Variants in ZCWPW2 observed in about 807,000 individuals in gnomAD.
The protein encoded by ZCWPW2 is zinc finger CW-type PWWP domain protein 2.
Under a neutral mutation model 46.6 loss-of-function variants are expected in ZCWPW2, and 45 were observed. The observed-to-expected ratio is 0.96, with a 90% CI of 0.76 to 1.24. ZCWPW2 has a LOEUF of 1.24. Among genes scored for constraint, ZCWPW2 ranks in the 50% most tolerant of loss-of-function variants. The probability of loss-of-function intolerance (pLI) is 0.00; values close to 1 mark genes in which losing one functional copy is unlikely to be tolerated. For synonymous variants in ZCWPW2, 152 were observed against 137.1 expected, an observed-to-expected ratio of 1.11 and a Z score of -0.76; for missense variants, 429 against 403.9, an observed-to-expected ratio of 1.06 and a Z score of -0.53.
intron 4 of ZCWPW2, chr3:28,461,106 T>G: frequency 5.8e-6 from 1 of 171,876 alleles, no homozygotes. Flanking sequence ...GTGATTCCAG[T>G]TTTCCAGATT....
In ZCWPW2 at chr3:28,413,227, T is replaced by G. The variant is rs1575107574; in HGVS notation, c.159T>G (p.Asp53Glu). Reference sequence around the variant, plus strand: ...CAAGTGAGGATTCAGCCAAGGTTGATCATGATGAACCATGGTACTGCTTCA... The same window carrying G: ...CAAGTGAGGATTCAGCCAAGGTTGAGCATGATGAACCATGGTACTGCTTCA... ...LLSSEDSAKV[D>E]HDEPWYCFMN... Residue 53 changes from aspartate to glutamate, a missense_variant, in exon 3 of 10, where the codon GAT becomes GAG. Coordinates refer to ENST00000383768, the MANE Select transcript of ZCWPW2 (RefSeq NM_001040432.4). The G allele has an allele frequency of 6.2e-7, 1 of 1,613,398 alleles. No individual in the cohort carries two copies. The highest frequency in any genetic ancestry group is 8.5e-7 in the Non-Finnish European group (1 of 1,179,572).
At chr3:28,477,650 T>G (rs1457855750) in intron 4 of ZCWPW2, among the ~76,000 whole-genome samples, 2 of 152,188 alleles carry the variant, frequency 1.3e-5, no homozygotes, top group African/African-American at 4.8e-5. Context: ...TGAGAAGAGC[T>G]TTAAATATAT....
intron 5 of ZCWPW2, among the ~76,000 whole-genome samples, chr3:28,486,710 A>G (rs1203651472): frequency 1.3e-5 from 2 of 152,090 alleles, no homozygotes; most frequent in African/African-American, 2.4e-5. Context: ...TTCCGTCTCT[A>G]TAAAAAATTC....
chr3:28,420,185 T>G (rs1050081344), intron 3 of ZCWPW2, among the ~76,000 whole-genome samples: 3 of 152,164 alleles, frequency 2.0e-5, no homozygotes, highest in Non-Finnish European at 2.9e-5. Context: ...TGCTAGCTTT[T>G]GAATGTGTTT....
chr3:28,378,232 T>A (rs1235499195), intron 1 of ZCWPW2, among the ~76,000 whole-genome samples: 4 of 151,940 alleles, frequency 2.6e-5, no homozygotes. Flanking sequence ...ACAGTGAAAG[T>A]TAAATATACA....
intron 1 of ZCWPW2, among the ~76,000 whole-genome samples, chr3:28,357,797 T>TCATATA (rs1553627834): frequency 4.3e-5 from 6 of 140,426 alleles, no homozygotes; most frequent in African/African-American, 1.6e-4. Flanking sequence ...TTGGTATATT[T>TCATATA]TATATATATA....
chr3:28,492,752 T>A (rs1178017728), intron 6 of ZCWPW2, among the ~76,000 whole-genome samples: 1 of 152,106 alleles, frequency 6.6e-6, no homozygotes, highest in African/African-American at 2.4e-5. Context: ...ACCTTGACAT[T>A]CTCCTCAAGA....
At position 28,478,874 on chromosome 3, in the gene ZCWPW2, CTCT is replaced by C. The variant is rs1699328514; in HGVS notation, c.554_556del (p.Leu185_Tyr186delinsHis). ...AAGTGCACTACAAGAAGCATGTCTA[CTCT>C]ATGGATATTCTCATGAGCAAAGACT... On this transcript the variant is annotated inframe_deletion, in exon 5 of 10. Transcript: ENST00000383768. The C allele has an allele frequency of 2.5e-6, 4 of 1,588,932 alleles. No homozygotes were observed. Among genetic ancestry groups the C allele is most frequent in the Non-Finnish European group, 3.4e-6 (4 of 1,170,860 alleles).
At chr3:28,385,880 C>T (rs189496730) in intron 1 of ZCWPW2, among the ~76,000 whole-genome samples, 14 of 150,926 alleles carry the variant, frequency 9.3e-5, no homozygotes, top group Admixed American at 6.6e-4. Flanking sequence ...GTGAGATTAA[C>T]GTAACCTTTT....
chr3:28,424,232 C>T (rs1203388785), intron 3 of ZCWPW2, among the ~76,000 whole-genome samples: 2 of 109,380 alleles, frequency 1.8e-5, no homozygotes, highest in Non-Finnish European at 4.0e-5. Flanking sequence ...TATTCCAACA[C>T]ACACACACAC....
In ZCWPW2 at chr3:28,400,290, A is replaced by G. The variant is rs145182858; in HGVS notation, c.-14+9673A>G. On this transcript the variant is annotated intron_variant, in intron 2 of 9. Coordinates refer to ENST00000383768, the MANE Select transcript of ZCWPW2 (RefSeq NM_001040432.4). ...ACAAAGCCCAAAGAAGTCTGGGATT[A>G]TGTTAAATGACCAAACCTAAGAATA... Among the ~76,000 whole-genome samples the G allele has an allele frequency of 2.5e-3, 375 of 152,218 alleles. 1 individual carries two copies. Among genetic ancestry groups the G allele is most frequent in the African/African-American group, 8.2e-3 (342 of 41,562 alleles).
chr3:28,446,068 C>T (rs1227669162), intron 4 of ZCWPW2, among the ~76,000 whole-genome samples: 1 of 151,958 alleles, frequency 6.6e-6, no homozygotes, highest in African/African-American at 2.4e-5. Flanking sequence ...GACAGTTCAA[C>T]AATAATAGTT....
chr3:28,522,005 G>A (rs1432459594), intron 9 of ZCWPW2, among the ~76,000 whole-genome samples: 1 of 152,114 alleles, frequency 6.6e-6, no homozygotes, highest in Non-Finnish European at 1.5e-5. Context: ...GGATTGTTTT[G>A]AGGATTAAAT....
At chr3:28,355,705 A>G (rs1275943151) in intron 1 of ZCWPW2, among the ~76,000 whole-genome samples, 5 of 152,216 alleles carry the variant, frequency 3.3e-5, no homozygotes, top group African/African-American at 1.2e-4. Context: ...ACACATCTAC[A>G]ACCATCTGAT....
chr3:28,492,026 T>C, intron 5 of ZCWPW2, 101 bp from the exon 6 acceptor site: 1 of 1,159,592 alleles, frequency 8.6e-7, no homozygotes, highest in Non-Finnish European at 1.2e-6. Context: ...ACTGTTACAA[T>C]AGTAATGAGA....
At chr3:28,518,135 CAAAAA>C (rs35463839) in intron 8 of ZCWPW2, among the ~76,000 whole-genome samples, 1 of 76,002 alleles carries the variant, frequency 1.3e-5, no homozygotes, top group African/African-American at 5.3e-5. Flanking sequence ...GACTCCGTCT[CAAAAA>C]AAAAAAAAAA....
chr3:28,421,970 T>A (rs374094609), intron 3 of ZCWPW2, among the ~76,000 whole-genome samples: 1 of 152,000 alleles, frequency 6.6e-6, no homozygotes, highest in South Asian at 2.1e-4. Flanking sequence ...TTAAATTTCC[T>A]AGGTTTTTCT....
intron 1 of ZCWPW2, among the ~76,000 whole-genome samples, chr3:28,368,210 C>G (rs1442250600): frequency 5.3e-5 from 8 of 152,208 alleles, no homozygotes; most frequent in Middle Eastern, 6.8e-3. Flanking sequence ...GGTTATTTTG[C>G]TCCTTAGTTG....
chr3:28,434,031 A>T (rs1211016976), intron 3 of ZCWPW2, among the ~76,000 whole-genome samples: 1 of 151,444 alleles, frequency 6.6e-6, no homozygotes, highest in Admixed American at 6.6e-5. Context: ...AATTATTTTT[A>T]AAATATTGAG....
Sources: allele counts gnomAD v4.1 joint callset (sites outside exome capture counted in the v4.1 genomes callset), GRCh38; gene constraint gnomAD v4.1.1; transcripts MANE v1.5; gene names NCBI Gene and HGNC (gene_info 2026-07-23, HGNC 2026-07-21).